Variants in ZNF600 observed in about 807,000 individuals in gnomAD.
The protein encoded by ZNF600 is zinc finger protein 600, also known as zinc finger protein KR-ZNF1.
A neutral mutation model predicts 7.3 loss-of-function variants in ZNF600; 4 were observed. The ratio of observed to expected loss-of-function variants is 0.55; its 90% CI spans 0.27 to 1.25. ZNF600 has a LOEUF of 1.25. Among genes scored for constraint, ZNF600 ranks in the 50% most tolerant of loss-of-function variants. The pLI, the probability that ZNF600 is intolerant of heterozygous loss-of-function variation, is 0.12. For missense variants in ZNF600, 911 were observed against 922.1 expected, an observed-to-expected ratio of 0.99 and a Z score of 0.16; for synonymous variants, 290 against 308.9, an observed-to-expected ratio of 0.94 and a Z score of 0.64.
chr19:52,802,185 CAT>C, the ZNF600 span, among the ~76,000 whole-genome samples: 5 of 152,158 alleles, frequency 3.3e-5, no homozygotes, highest in African/African-American at 1.2e-4. Flanking sequence ...GTCAAACAAT[CAT>C]AGCACTGACA....
exon 4 of ZNF600, chr19:52,766,854 G>T: frequency 6.2e-7 from 1 of 1,614,126 alleles, no homozygotes; most frequent in South Asian, 1.1e-5. Flanking sequence ...ACATTTGTAA[G>T]GTTTCTCTCC....
chr19:52,807,287 G>C, the ZNF600 span, among the ~76,000 whole-genome samples: 1 of 152,176 alleles, frequency 6.6e-6, no homozygotes, highest in South Asian at 2.1e-4. Context: ...TAGGAAAGAA[G>C]ACATTACAGA....
At chr19:52,827,165 A>G in the ZNF600 span, among the ~76,000 whole-genome samples, 1 of 151,024 alleles carries the variant, frequency 6.6e-6, no homozygotes, top group African/African-American at 2.4e-5. Flanking sequence ...ATCACTTGAG[A>G]CCAGGAGTTC....
chr19:52,766,389 G>A (rs771085902), exon 4 of ZNF600: 17 of 1,614,006 alleles, frequency 1.1e-5, no homozygotes, highest in Non-Finnish European at 1.4e-5. Context: ...TGTCTCAAGG[G>A]TTGATCCACA....
In ZNF600 at chr19:52,764,998, C is replaced by T. The variant is rs951717978; in HGVS notation, c.*589G>A. 1.8e-4 allele frequency: 40 copies of T among 224,026 alleles called. 1 individual carries two copies. The South Asian group carries it at 1.9e-3, about 11-fold the overall frequency. The allele number at this position is 224,026 out of a possible 1,614,324, so 13.9% of individuals were successfully genotyped here. ...TGACCTATGTGCCTTGGCCTCCAAC[C>T]GTGCTGGAATTACAGGTGTGAGAAA... On this transcript the variant is annotated 3_prime_UTR_variant, in exon 4 of 4. Coordinates refer to ENST00000648973, the Ensembl canonical transcript of ZNF600.
chr19:52,831,072 A>G, the ZNF600 span, among the ~76,000 whole-genome samples: 105 of 152,266 alleles, frequency 6.9e-4, no homozygotes, highest in African/African-American at 2.3e-3. Flanking sequence ...CTTAAATTAA[A>G]TGGCCTCTGA....
chr19:52,801,944 T>C, the ZNF600 span, among the ~76,000 whole-genome samples: 6 of 152,294 alleles, frequency 3.9e-5, no homozygotes, highest in South Asian at 2.1e-4. Flanking sequence ...GGCACAAACA[T>C]GTGTGAGCCT....
At chr19:52,787,874 A>G (rs1162510249), upstream of ZNF600, among the ~76,000 whole-genome samples, 4 of 104,990 alleles carry the variant, frequency 3.8e-5, no homozygotes, top group South Asian at 2.4e-4. Flanking sequence ...AAAAAAAAGA[A>G]AAAGAAAAAG....
At chr19:52,828,916 T>C in the ZNF600 span, among the ~76,000 whole-genome samples, 1 of 152,172 alleles carries the variant, frequency 6.6e-6, no homozygotes, top group Non-Finnish European at 1.5e-5. Flanking sequence ...GCTGGAATGC[T>C]GTGGCAGGAT....
the ZNF600 span, chr19:52,801,043 C>A: frequency 2.5e-6 from 4 of 1,614,036 alleles, no homozygotes; most frequent in Non-Finnish European, 3.4e-6. Context: ...TAAGGTTTCT[C>A]ATCAATGTGA....
the ZNF600 span, among the ~76,000 whole-genome samples, chr19:52,796,835 C>G: frequency 6.6e-6 from 1 of 152,288 alleles, no homozygotes; most frequent in Non-Finnish European, 1.5e-5. Flanking sequence ...GATTGAGTCT[C>G]TTTTCAAACT....
chr19:52,769,446 C>T (rs1271514684), intron 3 of ZNF600, among the ~76,000 whole-genome samples: 8 of 152,190 alleles, frequency 5.3e-5, no homozygotes, highest in South Asian at 2.1e-4. Flanking sequence ...CTCTCTGCCT[C>T]GGCTGCCAGG....
intron 1 of ZNF600, among the ~76,000 whole-genome samples, chr19:52,786,241 G>A (rs1456435619): frequency 6.6e-6 from 1 of 152,118 alleles, no homozygotes; most frequent in African/African-American, 2.4e-5. Context: ...CGAAGACTTG[G>A]GGAGCAGCAG....
chr19:52,820,049 C>T, the ZNF600 span, among the ~76,000 whole-genome samples: 14 of 144,286 alleles, frequency 9.7e-5, no homozygotes, highest in Admixed American at 2.1e-4. Flanking sequence ...TGGTGAAACC[C>T]TATCTCTACT....
chr19:52,797,635 T>C, the ZNF600 span: 1 of 154,774 alleles, frequency 6.5e-6, no homozygotes, highest in Non-Finnish European at 1.5e-5. Flanking sequence ...AAGAAATATT[T>C]AGGAATAAAC....
the ZNF600 span, among the ~76,000 whole-genome samples, chr19:52,808,897 C>T: frequency 6.6e-6 from 1 of 151,752 alleles, no homozygotes; most frequent in Non-Finnish European, 1.5e-5. Flanking sequence ...ATAATAAAAC[C>T]TAGAGACTCA....
the ZNF600 span, among the ~76,000 whole-genome samples, chr19:52,826,593 C>A: frequency 2.0e-5 from 3 of 152,078 alleles, no homozygotes; most frequent in Admixed American, 6.6e-5. Flanking sequence ...GTAGTCCCAG[C>A]TACTCAGAAG....
the ZNF600 span, chr19:52,801,079 G>A: frequency 1.2e-5 from 19 of 1,613,960 alleles, no homozygotes; most frequent in South Asian, 1.5e-4. Flanking sequence ...GCAAGGTATC[G>A]CTTCTGATTA....
At chr19:52,810,915 C>T in the ZNF600 span, among the ~76,000 whole-genome samples, 1 of 101,382 alleles carries the variant, frequency 9.9e-6, no homozygotes, top group African/African-American at 4.3e-5. Flanking sequence ...CTCCCTCTCC[C>T]TCCACAGTCT....
Sources: gnomAD v4.1 joint callset for allele counts (sites outside exome capture counted in the v4.1 genomes callset) on GRCh38, gnomAD v4.1.1 for gene constraint, MANE v1.5 for transcripts, NCBI Gene and HGNC (gene_info 2026-07-23, HGNC 2026-07-21) for gene names.